PLB1: variants seen among roughly 807,000 people sequenced by gnomAD.
PLB1 encodes phospholipase B1, also known as phospholipase B1, membrane-associated.
PLB1 carries 242 observed loss-of-function variants against 227.4 expected under a neutral mutation model. That is an observed-to-expected ratio of 1.06 (90% CI 0.96 to 1.18). The LOEUF is 1.18. Ranked by LOEUF, PLB1 falls within the 50% of genes most tolerant of loss-of-function variation. The pLI is 0.00. For synonymous variants in PLB1, 757 were observed against 682.2 expected, an observed-to-expected ratio of 1.11 and a Z score of -1.71; for missense variants, 1,858 against 1,816.3, an observed-to-expected ratio of 1.02 and a Z score of -0.42.
intron 15 of PLB1, 87 bp from the exon 16 acceptor site, chr2:28,549,923 C>A: frequency 8.5e-7 from 1 of 1,177,932 alleles, no homozygotes; most frequent in Non-Finnish European, 1.2e-6. Context: ...CCTAGTTGGC[C>A]AAAAGCATCA....
chr2:28,554,767 C>A (rs1572940382), intron 17 of PLB1, among the ~76,000 whole-genome samples: 1 of 152,022 alleles, frequency 6.6e-6, no homozygotes, highest in Non-Finnish European at 1.5e-5. Flanking sequence ...TGATAACCAG[C>A]CAATCTCATT....
At chr2:28,613,737 T>C (rs1395109739) in intron 43 of PLB1, among the ~76,000 whole-genome samples, 1 of 152,086 alleles carries the variant, frequency 6.6e-6, no homozygotes, top group Non-Finnish European at 1.5e-5. Flanking sequence ...AGAAAATAGA[T>C]AGGTCTGAGG....
At chr2:28,538,679 G>A (rs996136267) in intron 10 of PLB1, among the ~76,000 whole-genome samples, 27 of 152,280 alleles carry the variant, frequency 1.8e-4, no homozygotes, top group Middle Eastern at 3.4e-3. Flanking sequence ...TAAGATGGAG[G>A]GGGCCTGAGG....
intron 51 of PLB1, 90 bp downstream of exon 51, chr2:28,626,598 G>A (rs547937663): frequency 8.3e-5 from 54 of 654,132 alleles, no homozygotes; most frequent in Non-Finnish European, 1.0e-4. Flanking sequence ...GCCCTGCCCC[G>A]AGCTCCTTGC....
intron 14 of PLB1, among the ~76,000 whole-genome samples, chr2:28,545,038 A>G (rs973813796): frequency 6.6e-6 from 1 of 152,122 alleles, no homozygotes; most frequent in Admixed American, 6.5e-5. Context: ...TGATGGTCCC[A>G]TGCATACAAA....
At chr2:28,607,210 T>C (rs1403619368) in intron 43 of PLB1, among the ~76,000 whole-genome samples, 1 of 152,190 alleles carries the variant, frequency 6.6e-6, no homozygotes, top group African/African-American at 2.4e-5. Flanking sequence ...GGCCCGGTCT[T>C]ATGGCTTTTT....
At chr2:28,577,086 T>C (rs952449390) in intron 21 of PLB1, among the ~76,000 whole-genome samples, 2 of 152,208 alleles carry the variant, frequency 1.3e-5, no homozygotes, top group African/African-American at 4.8e-5. Context: ...TCATTTAATT[T>C]CCCCAACAAC....
intron 44 of PLB1, among the ~76,000 whole-genome samples, chr2:28,617,432 C>G (rs991320540): frequency 6.6e-5 from 10 of 152,144 alleles, no homozygotes; most frequent in Admixed American, 2.0e-4. Flanking sequence ...TTTGGGGCAG[C>G]CACTGGCTCC....
intron 21 of PLB1, among the ~76,000 whole-genome samples, chr2:28,576,886 C>G (rs1679049304): frequency 6.6e-6 from 1 of 152,124 alleles, no homozygotes; most frequent in Non-Finnish European, 1.5e-5. Flanking sequence ...AATCGAATAC[C>G]TAGTGTACTA....
At chr2:28,516,626 A>C (rs1668880511) in intron 1 of PLB1, among the ~76,000 whole-genome samples, 182 bp from the exon 2 acceptor site, 1 of 152,204 alleles carries the variant, frequency 6.6e-6, no homozygotes, top group South Asian at 2.1e-4. Context: ...GTGTTAATGG[A>C]AGCACGGTGT....
rs149568405 is a variant in PLB1, at chr2:28,600,848, G to T, written c.2514G>T (p.Met838Ile). The stretch of plus-strand genomic sequence containing the variant: ...AAGTCCAAACTCTGATGCAGAAGAT[G>T]AAAGATGATCATGTGAGTCAGATTT... ...MSQVQTLMQK[M>I]KDDHRVNFHE... is the part of the protein sequence containing the mutation. Residue 838 changes from methionine (M) to isoleucine (I), a missense_variant, in exon 36 of 58, where the codon ATG (methionine) becomes ATT (isoleucine). Coordinates refer to ENST00000327757, the MANE Select transcript of PLB1 (RefSeq NM_153021.5). 87 of 1,611,812 alleles carry T rather than the reference G, an allele frequency of 5.4e-5. 1 individual carries two copies. The East Asian group carries it at 1.9e-3, about 36-fold the overall frequency.
At position 28,549,590 on chromosome 2, in the gene PLB1, G is replaced by T. The variant is rs1489262620; in HGVS notation, c.1009-420G>T. ...GCCACCACACCCAGCTAATTTTTTT[G>T]TATTTTTAGTCTTTCTATCATTTAA... On this transcript the variant is annotated intron_variant, in intron 15 of 57. Coordinates refer to ENST00000327757, the MANE Select transcript of PLB1 (RefSeq NM_153021.5). 7.9e-5 allele frequency among the ~76,000 whole-genome samples: 12 copies of T among 151,690 alleles called. No individual in the cohort carries two copies. In the South Asian group the frequency reaches 2.5e-3, roughly 32 times the overall value.
chr2:28,555,581 A>G (rs377075186), intron 17 of PLB1, among the ~76,000 whole-genome samples: 174 of 152,264 alleles, frequency 1.1e-3, no homozygotes, highest in African/African-American at 3.9e-3. Flanking sequence ...TCTTCTGGAG[A>G]TCATGTTTGC....
At chr2:28,580,502 G>A (rs890201796) in intron 23 of PLB1, among the ~76,000 whole-genome samples, 2 of 152,202 alleles carry the variant, frequency 1.3e-5, no homozygotes, top group Non-Finnish European at 1.5e-5. Context: ...ATTACCTGAG[G>A]TCAGGAGTTC....
At chr2:28,555,204 T>G (rs935959588) in intron 17 of PLB1, among the ~76,000 whole-genome samples, 1 of 142,228 alleles carries the variant, frequency 7.0e-6, no homozygotes, top group African/African-American at 2.6e-5. Context: ...TGAAGTGGCG[T>G]GATTTCCGCT....
At chr2:28,512,534 G>A (rs1482212260) in intron 1 of PLB1, among the ~76,000 whole-genome samples, 1 of 152,136 alleles carries the variant, frequency 6.6e-6, no homozygotes, top group South Asian at 2.1e-4. Flanking sequence ...AGACATGTTT[G>A]ATCAAACATA....
chr2:28,523,617 T>C (rs1669842152), intron 4 of PLB1, among the ~76,000 whole-genome samples: 1 of 151,092 alleles, frequency 6.6e-6, no homozygotes, highest in African/African-American at 2.4e-5. Flanking sequence ...CCCAACCCCC[T>C]CTCCTGGCCT....
At chr2:28,515,684 TC>T (rs1327904975) in intron 1 of PLB1, among the ~76,000 whole-genome samples, 4 of 152,142 alleles carry the variant, frequency 2.6e-5, no homozygotes, top group Non-Finnish European at 5.9e-5. Flanking sequence ...AAGAAATCAA[TC>T]CCTGTTGCCC....
intron 1 of PLB1, among the ~76,000 whole-genome samples, chr2:28,497,747 C>T (rs544307927): frequency 6.6e-6 from 1 of 151,232 alleles, no homozygotes; most frequent in East Asian, 1.9e-4. Context: ...GAGACAGAGT[C>T]TGGCTGTGTC....
Sources: gnomAD v4.1 joint callset for allele counts (sites outside exome capture counted in the v4.1 genomes callset) on GRCh38, gnomAD v4.1.1 for gene constraint, MANE v1.5 for transcripts, NCBI Gene and HGNC (gene_info 2026-07-23, HGNC 2026-07-21) for gene names.